LRP8: variants seen among roughly 807,000 people sequenced by gnomAD.
The protein encoded by LRP8 is low-density lipoprotein receptor-related protein 8.
In LRP8, 46 loss-of-function variants were observed where a neutral mutation model predicts 111.6. That is an observed-to-expected ratio of 0.41 (90% CI 0.33 to 0.53). LRP8 has a LOEUF of 0.53. Among genes scored for constraint, LRP8 ranks in the 20% least tolerant of loss-of-function variants. The pLI, the probability that LRP8 is intolerant of heterozygous loss-of-function variation, is 0.20. For missense variants in LRP8, 959 were observed against 1,297.4 expected, an observed-to-expected ratio of 0.74 and a Z score of 4.01; for synonymous variants, 464 against 511.2, an observed-to-expected ratio of 0.91 and a Z score of 1.24.
rs1379855355 is a variant in LRP8 at position 53,293,465 on chromosome 1, G to T, written c.245-3776C>A. ...CCTCACAGCTATCTTGGTAGCTGTT[G>T]TTATTAATCCCATTGTACAGAAGAG... On this transcript the variant is annotated intron_variant, in intron 2 of 18. Coordinates refer to ENST00000306052, the MANE Select transcript of LRP8 (RefSeq NM_004631.5). The surrounding 1 kb of genome is among the most constrained non-coding windows in gnomAD (Gnocchi z 4.9). Among the ~76,000 whole-genome samples the T allele has an allele frequency of 6.6e-6, 1 of 152,234 alleles. No homozygotes were observed. Among genetic ancestry groups the T allele is most frequent in the African/African-American group, 2.4e-5 (1 of 41,456 alleles).
intron 3 of LRP8, among the ~76,000 whole-genome samples, chr1:53,285,172 G>A (rs552805885): frequency 1.2e-4 from 19 of 152,330 alleles, no homozygotes; most frequent in African/African-American, 4.6e-4. Flanking sequence ...TTTGTTCAAA[G>A]GCTAGTGGTG....
chr1:53,243,184 G>A lies in LRP8; in HGVS notation c.*3834C>T, dbSNP rs1211732338. 1.3e-5 allele frequency: 2 copies of A among 152,110 alleles called. No individual in the cohort carries two copies. Among genetic ancestry groups the A allele is most frequent in the African/African-American group, 4.8e-5 (2 of 41,402 alleles). 9.4% of individuals were successfully genotyped at this position (152,110 alleles called of 1,614,324 possible). A position where few individuals can be genotyped will look rare whatever the true frequency, so the allele number is the denominator to read the frequency against. ...TGTATGGCTGGAGTTCGGGGGGTAG[G>A]GTGGAGAGGCTTGCATTCCTGTGCC... On this transcript the variant is annotated 3_prime_UTR_variant, in exon 19 of 19. Coordinates refer to ENST00000306052, the MANE Select transcript of LRP8 (RefSeq NM_004631.5).
At chr1:53,325,325 T>C (rs1572709458) in intron 2 of LRP8, among the ~76,000 whole-genome samples, 3 of 152,336 alleles carry the variant, frequency 2.0e-5, no homozygotes, top group South Asian at 2.1e-4. Context: ...TGTTGGTTTG[T>C]TTGTTTTGTT....
chr1:53,250,919 C>T lies in LRP8; in HGVS notation c.2504-57G>A. Reference sequence around the variant, plus strand: ...AGCAGGCTCCAACCCACTGCTCAGACATCTGTACAAGGCTTGTCACCACTC... The same window carrying T: ...AGCAGGCTCCAACCCACTGCTCAGATATCTGTACAAGGCTTGTCACCACTC... On this transcript the variant is annotated intron_variant, in intron 16 of 18. Coordinates refer to ENST00000306052, the MANE Select transcript of LRP8 (RefSeq NM_004631.5). This position sits in a 1 kb window ranked among gnomAD's most constrained non-coding sequence, Gnocchi z 4.6. 6.7e-7 allele frequency: 1 copy of T among 1,488,758 alleles called. No individual in the cohort carries two copies. The highest frequency in any genetic ancestry group is 9.4e-7 in the Non-Finnish European group (1 of 1,067,998). The allele number at this position is 1,488,758 out of a possible 1,614,324, so 92.2% of individuals were successfully genotyped here. A position where few individuals can be genotyped will look rare whatever the true frequency, so the allele number is the denominator to read the frequency against.
chr1:53,296,395 C>G (rs753870872), intron 2 of LRP8, among the ~76,000 whole-genome samples: 1 of 152,204 alleles, frequency 6.6e-6, no homozygotes, highest in Admixed American at 6.5e-5. Flanking sequence ...CTTGGATGTT[C>G]CCACTTCCTC....
chr1:53,296,281 G>A (rs1011617551), intron 2 of LRP8, among the ~76,000 whole-genome samples: 2 of 152,222 alleles, frequency 1.3e-5, no homozygotes, highest in African/African-American at 4.8e-5. Context: ...GCTCAACATT[G>A]TTGTTCAGCA....
intron 2 of LRP8, chr1:53,305,514 C>T (rs1174967543): frequency 6.6e-6 from 1 of 152,262 alleles, no homozygotes; most frequent in Non-Finnish European, 1.5e-5. Context: ...TCTTCTGTGA[C>T]TTGTTTTCTC....
At chr1:53,321,526 C>T (rs566060068) in intron 2 of LRP8, among the ~76,000 whole-genome samples, 63 of 152,278 alleles carry the variant, frequency 4.1e-4, no homozygotes, top group African/African-American at 1.3e-3. Context: ...CTGTTCCATC[C>T]GCCCTCTGGG....
rs1212282301 is a variant in LRP8 at position 53,242,458 on chromosome 1, A to G, written c.*4560T>C. 1 of 152,208 alleles carries G rather than the reference A, an allele frequency of 6.6e-6. No homozygotes were observed. The highest frequency in any genetic ancestry group is 1.5e-5 in the Non-Finnish European group (1 of 68,048). The allele number at this position is 152,208 out of a possible 1,614,324, so 9.4% of individuals were successfully genotyped here. ...TTCAGTTTACCAAGATGATGCCAGT[A>G]TAGCTAGTGAGATGCAGCACCCCAT... is the stretch of plus-strand genomic sequence containing the variant. On this transcript the variant is annotated 3_prime_UTR_variant, in exon 19 of 19. Coordinates refer to ENST00000306052, the MANE Select transcript of LRP8 (RefSeq NM_004631.5).
At chr1:53,306,416 G>A (rs1333018477) in intron 2 of LRP8, among the ~76,000 whole-genome samples, 2 of 152,182 alleles carry the variant, frequency 1.3e-5, no homozygotes, top group African/African-American at 2.4e-5. Flanking sequence ...ACTAGCTCTT[G>A]TGTCCTCTTT....
At chr1:53,248,203 A>G (rs1645786887) in intron 18 of LRP8, among the ~76,000 whole-genome samples, 2 of 152,232 alleles carry the variant, frequency 1.3e-5, no homozygotes, top group Admixed American at 6.5e-5. Flanking sequence ...GACATTCTAC[A>G]TATGATAAAA....
Position 53,262,297 on chromosome 1 carries a change from C to T in LRP8, c.1775-90G>A, listed in dbSNP as rs1256450859. The T allele has an allele frequency of 1.3e-6, 2 of 1,569,318 alleles. No homozygotes were observed. The highest frequency in any genetic ancestry group is 1.4e-5 in the African/African-American group (1 of 73,666). On this transcript the variant is annotated intron_variant, in intron 11 of 18. Transcript: ENST00000306052. This position sits in a 1 kb window ranked among gnomAD's most constrained non-coding sequence, Gnocchi z 4.8. ...ACCTCTCCCTGCCCACATTTCTAGG[C>T]CTCACACTGAGGCCAGCCTACGGCA... is the stretch of plus-strand genomic sequence containing the variant.
At chr1:53,280,815 C>CTAGG (rs1647084107) in intron 3 of LRP8, 100 bp from the exon 4 acceptor site, 1 of 1,463,194 alleles carries the variant, frequency 6.8e-7, no homozygotes, top group Non-Finnish European at 9.3e-7. Context: ...GTCCAAGGCC[C>CTAGG]TAGGAGTCCA....
chr1:53,309,984 C>T (rs1007945357), intron 2 of LRP8, among the ~76,000 whole-genome samples: 1 of 152,162 alleles, frequency 6.6e-6, no homozygotes. Flanking sequence ...CCCCACGCCC[C>T]CAGCCATAAC....
intron 2 of LRP8, among the ~76,000 whole-genome samples, chr1:53,290,943 C>T (rs565722603): frequency 1.7e-4 from 26 of 152,264 alleles, no homozygotes; most frequent in Admixed American, 1.7e-3. Context: ...ATTGGGGGCT[C>T]ATCTGCATCA....
chr1:53,269,191 A>G (rs1646680176), intron 8 of LRP8, among the ~76,000 whole-genome samples: 1 of 152,182 alleles, frequency 6.6e-6, no homozygotes, highest in Non-Finnish European at 1.5e-5. Flanking sequence ...CCTTGAACAT[A>G]CTAGGCATGC....
chr1:53,278,331 A>G (rs1299771103), intron 4 of LRP8, among the ~76,000 whole-genome samples: 3 of 151,902 alleles, frequency 2.0e-5, no homozygotes, highest in African/African-American at 7.3e-5. Context: ...TGGCCCCGGG[A>G]TGGGGGTAGG....
chr1:53,266,953 G>C lies in LRP8; in HGVS notation c.1253-306C>G, dbSNP rs1196974017. The C allele has an allele frequency of 6.7e-6, 2 of 300,302 alleles. No individual in the cohort carries two copies. The highest frequency in any genetic ancestry group is 4.2e-5 in the Admixed American group (1 of 24,080). The allele number at this position is 300,302 out of a possible 1,614,324, so 18.6% of individuals were successfully genotyped here. A position where few individuals can be genotyped will look rare whatever the true frequency, so the allele number is the denominator to read the frequency against. On this transcript the variant is annotated intron_variant, in intron 8 of 18. Coordinates refer to ENST00000306052, the MANE Select transcript of LRP8 (RefSeq NM_004631.5). The surrounding 1 kb of genome is among the most constrained non-coding windows in gnomAD (Gnocchi z 5.0). ...AAAGCCTTCCACAGTGTGACCCCAAGTTCCCTGTCCAGCCTCATTACTCGC... is the reference window on the plus strand; with the variant it reads ...AAAGCCTTCCACAGTGTGACCCCAACTTCCCTGTCCAGCCTCATTACTCGC...
intron 2 of LRP8, among the ~76,000 whole-genome samples, chr1:53,320,222 G>A (rs989479732): frequency 2.2e-4 from 34 of 152,368 alleles, no homozygotes; most frequent in African/African-American, 7.5e-4. Flanking sequence ...TGGGGCCAGT[G>A]GTGCACCTGA....
Sources: gnomAD v4.1 joint callset for allele counts (sites outside exome capture counted in the v4.1 genomes callset) on GRCh38, gnomAD v4.1.1 for gene constraint, Gnocchi (gnomAD v3.1) non-coding constraint, MANE v1.5 for transcripts, NCBI Gene and HGNC (gene_info 2026-07-23, HGNC 2026-07-21) for gene names.